SETD2: variants seen among roughly 807,000 people sequenced by gnomAD.
The protein encoded by SETD2 is SET domain containing 2, histone lysine methyltransferase.
SETD2 carries 31 observed loss-of-function variants against 242.1 expected under a neutral mutation model. The observed-to-expected ratio is 0.13, with a 90% confidence interval of 0.10 to 0.17. The LOEUF (loss-of-function observed/expected upper bound fraction) is 0.17, where lower values mean the gene tolerates loss of function less well. Among genes scored for constraint, SETD2 ranks in the 10% least tolerant of loss-of-function variants. SETD2 has a pLI of 1.00. For missense variants in SETD2, 2,481 were observed against 3,046.3 expected, an observed-to-expected ratio of 0.81 and a Z score of 4.37; for synonymous variants, 1,006 against 1,066.5, an observed-to-expected ratio of 0.94 and a Z score of 1.11.
chr3:47,146,015 C>CAAAAAA lies in SETD2; in HGVS notation c.71+17833_71+17838dup, dbSNP rs1171574770. On this transcript the variant is annotated intron_variant, in intron 1 of 20. Coordinates refer to ENST00000409792, the MANE Select transcript of SETD2 (RefSeq NM_014159.7). ...TGGGTGACAGAGCGAGACCCTGTCT[C>CAAAAAA]AAAAAAAAAAAAAAAAAAAAAAAAA... 4.4e-4 allele frequency among the ~76,000 whole-genome samples: 17 copies of CAAAAAA among 38,670 alleles called. 2 individuals carry two copies. Among genetic ancestry groups the CAAAAAA allele is most frequent in the East Asian group, 2.9e-3 (3 of 1,020 alleles). The allele number at this position is 38,670 out of a possible 152,430, so 25.4% of individuals were successfully genotyped here.
chr3:47,028,794 T>A, intron 18 of SETD2: 1 of 152,866 alleles, frequency 6.5e-6, no homozygotes, highest in South Asian at 2.1e-4. Context: ...GGTGGCATCA[T>A]GTTCCTGACT....
At chr3:47,080,852 C>T in intron 12 of SETD2, 1 of 986,806 alleles carries the variant, frequency 1.0e-6, no homozygotes, top group Non-Finnish European at 1.2e-6. Context: ...CATCCATTGT[C>T]GGCAATGGAC....
chr3:47,053,020 G>A (rs2039915883), intron 15 of SETD2, among the ~76,000 whole-genome samples: 1 of 151,840 alleles, frequency 6.6e-6, no homozygotes, highest in South Asian at 2.1e-4. Flanking sequence ...CTCCCCAGTA[G>A]CTGGTATTAC....
rs1445389349 is a variant in SETD2 at position 47,122,987 on chromosome 3, C to T, written c.1649G>A (p.Ser550Asn). 6.2e-7 allele frequency: 1 copy of T among 1,613,870 alleles called. No homozygotes were observed. Among genetic ancestry groups the T allele is most frequent in the East Asian group, 2.2e-5 (1 of 44,876 alleles). Residue 550 changes from serine (S) to asparagine (N), a missense_variant, in exon 3 of 21, where the codon AGT becomes AAT. Transcript: ENST00000409792. ...GGTAGATTTATAACGGGAAGCACTA[C>T]TGTCATGCTTAGAATATGATGACCC... is the stretch of plus-strand genomic sequence containing the variant. ...RRGSSYSKHD[S>N]SASRYKSTLS...
At chr3:47,127,193 T>TA (rs1473055339) in intron 1 of SETD2, among the ~76,000 whole-genome samples, 4 of 150,666 alleles carry the variant, frequency 2.7e-5, no homozygotes, top group East Asian at 3.9e-4. Flanking sequence ...CCTGTCTCTA[T>TA]AAAAAATACA....
intron 1 of SETD2, among the ~76,000 whole-genome samples, chr3:47,148,154 A>T (rs2043905309): frequency 6.6e-6 from 1 of 151,214 alleles, no homozygotes; most frequent in Non-Finnish European, 1.5e-5. Flanking sequence ...TTTTTGATAA[A>T]GCGTCTCGTT....
chr3:47,092,469 T>C (rs886586339), intron 9 of SETD2, among the ~76,000 whole-genome samples: 8 of 150,620 alleles, frequency 5.3e-5, no homozygotes, highest in Admixed American at 2.7e-4. Context: ...ATGATTAGGG[T>C]GTATTTTTAA....
chr3:47,126,970 C>T (rs544517492), intron 1 of SETD2, among the ~76,000 whole-genome samples: 1 of 152,138 alleles, frequency 6.6e-6, no homozygotes, highest in Non-Finnish European at 1.5e-5. Context: ...GTAATACCAA[C>T]ATAATGGAGT....
chr3:47,163,785 AGGAC>A (rs1697581439), intron 1 of SETD2, 65 bp downstream of exon 1: 5 of 1,177,076 alleles, frequency 4.2e-6, no homozygotes, highest in Non-Finnish European at 5.3e-6. Context: ...GCCACCCGTC[AGGAC>A]GCGCCGCCCT....
In SETD2 at chr3:47,122,497, T is replaced by A. The variant is rs753222651; in HGVS notation, c.2139A>T (p.Ala713=). The change falls in exon 3 of 21, where the codon GCA becomes GCT. Residue 713 remains alanine, a synonymous_variant. Coordinates refer to ENST00000409792, the MANE Select transcript of SETD2 (RefSeq NM_014159.7). ...TGSELSPLVK[A]CMLSSNGFQN... Reference sequence around the variant, plus strand: ...GAAATCCATTTGATGAAAGCATGCATGCTTTGACCAAAGGGGATAATTCCG... The same window carrying A: ...GAAATCCATTTGATGAAAGCATGCAAGCTTTGACCAAAGGGGATAATTCCG... 148 of 1,614,048 alleles carry A rather than the reference T, an allele frequency of 9.2e-5. No homozygotes were observed. The highest frequency in any genetic ancestry group is 1.2e-4 in the Non-Finnish European group (147 of 1,180,018).
At chr3:47,083,266 A>T (rs1178484183) in intron 12 of SETD2, among the ~76,000 whole-genome samples, 1 of 152,246 alleles carries the variant, frequency 6.6e-6, no homozygotes, top group Non-Finnish European at 1.5e-5. Flanking sequence ...CTAGTTCCAT[A>T]AAGTTGTTTT....
intron 1 of SETD2, among the ~76,000 whole-genome samples, chr3:47,128,732 C>T (rs1027705579): frequency 2.6e-5 from 4 of 152,168 alleles, no homozygotes; most frequent in Admixed American, 1.3e-4. Context: ...CTATGATGTA[C>T]ATTTTGCCCA....
At chr3:47,140,393 A>G (rs2043698739) in intron 1 of SETD2, among the ~76,000 whole-genome samples, 1 of 152,242 alleles carries the variant, frequency 6.6e-6, no homozygotes, top group South Asian at 2.1e-4. Flanking sequence ...ATTGTATTCA[A>G]TTGAATTCCA....
intron 1 of SETD2, among the ~76,000 whole-genome samples, chr3:47,151,444 T>C (rs1287313795): frequency 6.6e-6 from 1 of 152,162 alleles, no homozygotes; most frequent in Non-Finnish European, 1.5e-5. Context: ...AAAAAAATTG[T>C]GCAGCACACA....
Position 47,084,395 on chromosome 3 carries a change from A to T in SETD2, c.5398-13T>A, listed in dbSNP as rs1553690514. The T allele has an allele frequency of 4.0e-6, 6 of 1,518,958 alleles. No individual in the cohort carries two copies. The highest frequency in any genetic ancestry group is 5.4e-6 in the Non-Finnish European group (6 of 1,115,428). 94.1% of individuals were successfully genotyped at this position (1,518,958 alleles called of 1,614,324 possible). On this transcript the variant is annotated splice_polypyrimidine_tract_variant and intron_variant, in intron 11 of 20. Transcript: ENST00000409792. ...AAGTCTTTATAATCTGATTAAACAT[A>T]AAAAAAAATTACATCACTTTGTACA... is the stretch of plus-strand genomic sequence containing the variant.
chr3:47,048,316 G>C (rs1409124853), intron 15 of SETD2, among the ~76,000 whole-genome samples: 9 of 152,154 alleles, frequency 5.9e-5, no homozygotes, highest in African/African-American at 1.9e-4. Flanking sequence ...TTGAACCCAG[G>C]AGGTAGAGGT....
chr3:47,076,167 G>C (rs1001844795), intron 12 of SETD2, among the ~76,000 whole-genome samples: 1 of 152,190 alleles, frequency 6.6e-6, no homozygotes, highest in South Asian at 2.1e-4. Context: ...GACTTTCCGG[G>C]GGGGAAAAGG....
chr3:47,066,775 T>C (rs2040574487), intron 13 of SETD2, among the ~76,000 whole-genome samples: 1 of 148,188 alleles, frequency 6.7e-6, no homozygotes, highest in Non-Finnish European at 1.5e-5. Flanking sequence ...AAAAAAAGAC[T>C]AAATAAAAAA....
chr3:47,042,443 T>G, intron 17 of SETD2, 118 bp downstream of exon 17: 1 of 961,042 alleles, frequency 1.0e-6, no homozygotes, highest in Non-Finnish European at 1.6e-6. Flanking sequence ...TCCAGCAGCC[T>G]TCAAGCACAG....
Sources: allele counts gnomAD v4.1 joint callset (sites outside exome capture counted in the v4.1 genomes callset), GRCh38; gene constraint gnomAD v4.1.1; transcripts MANE v1.5; gene names NCBI Gene and HGNC (gene_info 2026-07-23, HGNC 2026-07-21).